The following FRAS1 variants were observed in gnomAD, a reference collection of about 807,000 sequenced individuals.
FRAS1 encodes Fraser extracellular matrix complex subunit 1, also known as extracellular matrix organizing protein FRAS1.
A neutral mutation model predicts 435.2 loss-of-function variants in FRAS1; 290 were observed. The observed-to-expected ratio is 0.67, with a 90% confidence interval of 0.61 to 0.73. The LOEUF (loss-of-function observed/expected upper bound fraction) is 0.73. Among genes scored for constraint, FRAS1 ranks in the 30% least tolerant of loss-of-function variants. The pLI, the probability that FRAS1 is intolerant of heterozygous loss-of-function variation, is 0.00. For synonymous variants in FRAS1, 1,800 were observed against 1,851.0 expected, an observed-to-expected ratio of 0.97 and a Z score of 0.71; for missense variants, 4,860 against 5,001.5, an observed-to-expected ratio of 0.97 and a Z score of 0.85.
intron 14 of FRAS1, among the ~76,000 whole-genome samples, chr4:78,306,124 G>T (rs530100876): frequency 6.6e-6 from 1 of 151,888 alleles, no homozygotes; most frequent in Non-Finnish European, 1.5e-5. Flanking sequence ...ACTTATGAAG[G>T]TTAGTTTGGC....
chr4:78,371,083 G>GGTTTTTTTTTTTTTTTTT (rs1456015210), intron 23 of FRAS1, among the ~76,000 whole-genome samples: 1 of 127,400 alleles, frequency 7.8e-6, no homozygotes, highest in African/African-American at 3.2e-5. Context: ...TTTTTTTTCT[G>GGTTTTTTTTTTTTTTTTT]TTTTTTTGTT....
Position 78,534,616 on chromosome 4 carries a change from G to A in FRAS1, c.11092+1G>A, listed in dbSNP as rs1482690216. The stretch of plus-strand genomic sequence containing the variant: ...GATTACAAAGGAGCCTTTTCAAAAG[G>A]TGAGTTGCTTCCTCCACCTGCAGAA... On this transcript the variant is annotated splice_donor_variant, in intron 71 of 73. Coordinates refer to ENST00000512123, the MANE Select transcript of FRAS1 (RefSeq NM_025074.7). LOFTEE classifies it high-confidence loss of function. 1.2e-6 allele frequency: 2 copies of A among 1,612,034 alleles called. No homozygotes were observed. The highest frequency in any genetic ancestry group is 1.7e-6 in the Non-Finnish European group (2 of 1,178,762).
At chr4:78,379,567 C>T in intron 26 of FRAS1, 159 bp from the exon 27 acceptor site, 1 of 702,592 alleles carries the variant, frequency 1.4e-6, no homozygotes, top group Middle Eastern at 4.0e-4. Flanking sequence ...TAAACTCCAG[C>T]ACACTGTTTA....
chr4:78,304,497 G>T (rs1728599616), intron 14 of FRAS1, among the ~76,000 whole-genome samples: 2 of 152,122 alleles, frequency 1.3e-5, no homozygotes, highest in South Asian at 2.1e-4. Flanking sequence ...TCTGGTTCTG[G>T]ACTCTTTTTG....
chr4:78,410,843 C>T (rs1391180942), intron 31 of FRAS1, among the ~76,000 whole-genome samples: 1 of 152,122 alleles, frequency 6.6e-6, no homozygotes, highest in Non-Finnish European at 1.5e-5. Flanking sequence ...TGAAACAACT[C>T]TCTGGGATTA....
At chr4:78,513,242 T>C (rs1721095736) in intron 64 of FRAS1, 150 bp from the exon 65 acceptor site, 1 of 690,658 alleles carries the variant, frequency 1.4e-6, no homozygotes, top group African/African-American at 1.8e-5. Context: ...ATACCCCCTG[T>C]TCAGATAGAA....
chr4:78,281,336 T>A, intron 10 of FRAS1, 62 bp from the exon 11 acceptor site: 1 of 1,153,422 alleles, frequency 8.7e-7, no homozygotes, highest in Non-Finnish European at 1.2e-6. Context: ...AATGAAAAAA[T>A]AAAATAATCA....
intron 6 of FRAS1, among the ~76,000 whole-genome samples, chr4:78,259,962 G>A (rs1725998269): frequency 6.6e-6 from 1 of 152,124 alleles, no homozygotes; most frequent in African/African-American, 2.4e-5. Context: ...TATTAAATAG[G>A]GAATCCTTTC....
intron 13 of FRAS1, 103 bp from the exon 14 acceptor site, chr4:78,286,302 C>G (rs1199400310): frequency 7.6e-7 from 1 of 1,307,466 alleles, no homozygotes; most frequent in Non-Finnish European, 1.1e-6. Context: ...CTGTTTGGGA[C>G]CTGGAGCCTC....
At chr4:78,389,367 C>T (rs1361505464) in intron 29 of FRAS1, among the ~76,000 whole-genome samples, 4 of 152,214 alleles carry the variant, frequency 2.6e-5, no homozygotes, top group African/African-American at 7.2e-5. Context: ...CATCAGTGAT[C>T]ACTCAAAATT....
intron 2 of FRAS1, among the ~76,000 whole-genome samples, chr4:78,177,536 C>G (rs1236853134): frequency 2.0e-5 from 3 of 152,128 alleles, no homozygotes; most frequent in African/African-American, 4.8e-5. Flanking sequence ...AAATTGTTCT[C>G]TCATTGAGTT....
rs774872512 is a variant in FRAS1 at position 78,479,625 on chromosome 4, AG to A, written c.8353del (p.Val2785TrpfsTer33). ...TGCCTCTGACAATGCCCGCATTGGA[AG>A]GGTGGCGACAGCCAAGGTGCTCATT... The part of the protein sequence containing the change: ...ADASDNARIG[R>X]VATAKVLISG... On this transcript the variant is annotated frameshift_variant, in exon 56 of 74. Transcript: ENST00000512123. LOFTEE classifies it high-confidence loss of function. 8.7e-6 allele frequency: 14 copies of A among 1,613,912 alleles called. No homozygotes were observed. Among genetic ancestry groups the A allele is most frequent in the Non-Finnish European group, 1.1e-5 (13 of 1,179,800 alleles).
chr4:78,450,907 T>A (rs574763458), intron 45 of FRAS1, among the ~76,000 whole-genome samples: 13 of 152,272 alleles, frequency 8.5e-5, no homozygotes, highest in African/African-American at 3.1e-4. Flanking sequence ...AAAAGTTATA[T>A]ATTGGGGAAA....
chr4:78,462,328 T>C (rs975401444), intron 47 of FRAS1, among the ~76,000 whole-genome samples: 1 of 151,966 alleles, frequency 6.6e-6, no homozygotes, highest in African/African-American at 2.4e-5. Context: ...TGAGCTAAGA[T>C]TGTGTCACTG....
In FRAS1 at chr4:78,375,903, C is replaced by T. The variant is rs530503930; in HGVS notation, c.3292+24C>T. On this transcript the variant is annotated intron_variant, in intron 26 of 73. Transcript: ENST00000512123. ...TGGTAAGTGCTTCTCCTCAGATGGTCTGGTGAATTTACCAATAATTTCTCT... is the reference window on the plus strand; with the variant it reads ...TGGTAAGTGCTTCTCCTCAGATGGTTTGGTGAATTTACCAATAATTTCTCT... 3.2e-5 allele frequency: 51 copies of T among 1,612,462 alleles called. 1 individual carries two copies. The South Asian group carries it at 5.2e-4, about 16-fold the overall frequency.
intron 2 of FRAS1, among the ~76,000 whole-genome samples, chr4:78,115,247 A>T (rs1743064340): frequency 6.6e-6 from 1 of 151,672 alleles, no homozygotes. Context: ...TTTATTGAGG[A>T]TTTTTGCATC....
intron 14 of FRAS1, among the ~76,000 whole-genome samples, chr4:78,307,155 G>A (rs982660284): frequency 6.6e-6 from 1 of 152,194 alleles, no homozygotes; most frequent in Non-Finnish European, 1.5e-5. Context: ...CTGCTGGGGG[G>A]TGCCTCCTAG....
At chr4:78,282,762 G>A (rs1727390340) in intron 11 of FRAS1, 58 bp from the exon 12 acceptor site, 1 of 1,590,606 alleles carries the variant, frequency 6.3e-7, no homozygotes, top group Admixed American at 1.7e-5. Flanking sequence ...TCAGCAGCAA[G>A]CTCTCTTCTG....
intron 23 of FRAS1, among the ~76,000 whole-genome samples, chr4:78,370,894 C>A (rs924588311): frequency 6.6e-6 from 1 of 152,118 alleles, no homozygotes; most frequent in Non-Finnish European, 1.5e-5. Flanking sequence ...CTGACTCCTT[C>A]CACATTTCTC....
Sources: allele counts gnomAD v4.1 joint callset (sites outside exome capture counted in the v4.1 genomes callset), GRCh38; gene constraint gnomAD v4.1.1; transcripts MANE v1.5; gene names NCBI Gene and HGNC (gene_info 2026-07-23, HGNC 2026-07-21).